ZBTB45: variants seen among roughly 807,000 people sequenced by gnomAD.
ZBTB45 encodes the protein zinc finger and BTB domain containing 45, also known as zinc finger and BTB domain-containing protein 45.
ZBTB45 carries 22 observed loss-of-function variants against 28.4 expected under a neutral mutation model. The ratio of observed to expected loss-of-function variants is 0.77; its 90% CI spans 0.55 to 1.10. ZBTB45 has a LOEUF of 1.10. Among genes scored for constraint, ZBTB45 ranks in the 50% least tolerant of loss-of-function variants. The pLI is 0.00. For missense variants in ZBTB45, 656 were observed against 750.2 expected, an observed-to-expected ratio of 0.87 and a Z score of 1.47; for synonymous variants, 361 against 332.3, an observed-to-expected ratio of 1.09 and a Z score of -0.94.
intron 1 of ZBTB45, among the ~76,000 whole-genome samples, chr19:58,533,099 G>T (rs879824001): frequency 2.6e-5 from 4 of 152,154 alleles, no homozygotes; most frequent in Admixed American, 2.6e-4. Context: ...GCCTCCCAAA[G>T]TGCTGGGATT....
At chr19:58,535,047 G>A (rs1010883476) in intron 1 of ZBTB45, among the ~76,000 whole-genome samples, 1 of 149,990 alleles carries the variant, frequency 6.7e-6, no homozygotes, top group South Asian at 2.1e-4. Context: ...GTAGAGAAGG[G>A]GTTTCATCAT....
At chr19:58,522,528 G>T (rs1426647862), upstream of ZBTB45, among the ~76,000 whole-genome samples, 1 of 151,932 alleles carries the variant, frequency 6.6e-6, no homozygotes, top group African/African-American at 2.4e-5. Flanking sequence ...CCAGCTACTT[G>T]GGAGGCGGAG....
intron 1 of ZBTB45, among the ~76,000 whole-genome samples, chr19:58,528,585 C>A (rs966012176): frequency 1.3e-5 from 2 of 151,802 alleles, no homozygotes; most frequent in Non-Finnish European, 2.9e-5. Context: ...CAGGGAGAAA[C>A]CCCATCTCTA....
chr19:58,538,220 TC>T (rs1048212998), intron 1 of ZBTB45, among the ~76,000 whole-genome samples: 2 of 151,398 alleles, frequency 1.3e-5, no homozygotes, highest in Non-Finnish European at 2.9e-5. Context: ...TCTTTTCTTT[TC>T]TTTTTTTTTT....
At chr19:58,536,714 G>A (rs2053662283) in intron 1 of ZBTB45, among the ~76,000 whole-genome samples, 1 of 152,264 alleles carries the variant, frequency 6.6e-6, no homozygotes, top group Admixed American at 6.5e-5. Flanking sequence ...AAGTGGCTTT[G>A]GGGGTGACAC....
chr19:58,528,825 C>T (rs1435771953), intron 1 of ZBTB45, among the ~76,000 whole-genome samples: 1 of 152,048 alleles, frequency 6.6e-6, no homozygotes, highest in East Asian at 1.9e-4. Context: ...ACTCGAGAGG[C>T]GGAGGTTGCA....
intron 1 of ZBTB45, among the ~76,000 whole-genome samples, chr19:58,535,161 G>A (rs947871367): frequency 2.6e-5 from 4 of 151,574 alleles, no homozygotes; most frequent in African/African-American, 9.7e-5. Context: ...GTGAGCCACC[G>A]TGCCCAGCCT....
intron 1 of ZBTB45, among the ~76,000 whole-genome samples, chr19:58,531,450 C>G (rs1275101811): frequency 6.6e-6 from 1 of 152,202 alleles, no homozygotes; most frequent in Non-Finnish European, 1.5e-5. Context: ...ATGTTGACAC[C>G]ACACCCTCCA....
In ZBTB45 at chr19:58,528,851, G is replaced by A. The variant is rs184200962; in HGVS notation, c.-1+9850C>T. Among the ~76,000 whole-genome samples, 471 of 152,058 alleles carry A rather than the reference G, an allele frequency of 3.1e-3. 1 individual carries two copies. Among genetic ancestry groups the A allele is most frequent in the African/African-American group, 0.011 (444 of 41,446 alleles). On this transcript the variant is annotated intron_variant, in intron 1 of 1. Transcript: ENST00000600130. ...GGAGGTTGCAGTGAGCTGAGATCGC[G>A]CCACTGCACTCCAGCCTGGATGACA...
chr19:58,537,933 G>A (rs1352096400), intron 1 of ZBTB45, among the ~76,000 whole-genome samples: 2 of 151,694 alleles, frequency 1.3e-5, no homozygotes, highest in Non-Finnish European at 2.9e-5. Flanking sequence ...TGCCTCCCAG[G>A]TTCAAGCGAT....
upstream of ZBTB45, chr19:58,520,363 A>G (rs1380078462): frequency 6.6e-6 from 1 of 152,064 alleles, no homozygotes; most frequent in East Asian, 1.9e-4. Context: ...GCCTCCCCTG[A>G]GCTAGACCCT....
At position 58,513,905 on chromosome 19, in the gene ZBTB45, TG is replaced by T; in HGVS notation, c.*148del. On this transcript the variant is annotated 3_prime_UTR_variant, in exon 3 of 3. Transcript: ENST00000594051. The stretch of plus-strand genomic sequence containing the variant: ...AGAGGAGTAAGGCGGACTTAGGCCC[TG>T]GTATGGAGAAAGGGTGAAGGGAGAG... The T allele has an allele frequency of 1.0e-6, 1 of 994,412 alleles. No homozygotes were observed. Among genetic ancestry groups the T allele is most frequent in the Non-Finnish European group, 1.3e-6 (1 of 743,350 alleles). 61.6% of individuals were successfully genotyped at this position (994,412 alleles called of 1,614,324 possible).
intron 1 of ZBTB45, among the ~76,000 whole-genome samples, chr19:58,532,369 AAGAG>A (rs763190277): frequency 6.6e-6 from 1 of 152,180 alleles, no homozygotes; most frequent in African/African-American, 2.4e-5. Context: ...CATGAATCGT[AAGAG>A]AGAGGCAGAG....
In ZBTB45 at chr19:58,517,563, C is replaced by T; in HGVS notation, c.111G>A (p.Val37=). 6.2e-7 allele frequency: 1 copy of T among 1,613,792 alleles called. No individual in the cohort carries two copies. The highest frequency in any genetic ancestry group is 8.5e-7 in the Non-Finnish European group (1 of 1,179,986). ...RLGGHFCDVT[V]RIREASLRAH... ...CACGCAGCGAAGCTTCACGAATGCGCACAGTCACGTCACAGAAGTGTCCCC... is the reference window on the plus strand; with the variant it reads ...CACGCAGCGAAGCTTCACGAATGCGTACAGTCACGTCACAGAAGTGTCCCC... The change falls in exon 2 of 3, where the codon GTG becomes GTA. Residue 37 remains valine, a synonymous_variant. Coordinates refer to ENST00000594051, the MANE Select transcript of ZBTB45 (RefSeq NM_001316979.2).
chr19:58,522,202 C>G (rs1284828430), upstream of ZBTB45, among the ~76,000 whole-genome samples: 1 of 151,528 alleles, frequency 6.6e-6, no homozygotes, highest in Non-Finnish European at 1.5e-5. Flanking sequence ...GCTCTTGTCC[C>G]CCAGGCTGGA....
At chr19:58,524,431 ATATATG>A (rs1568648952), upstream of ZBTB45, among the ~76,000 whole-genome samples, 2 of 95,054 alleles carry the variant, frequency 2.1e-5, no homozygotes, top group South Asian at 3.6e-4. Context: ...GTGTGTGTTC[ATATATG>A]TGTGTGTGTG....
upstream of ZBTB45, among the ~76,000 whole-genome samples, chr19:58,521,070 AAAAAAAAAAAAAG>A (rs2053573670): frequency 7.1e-6 from 1 of 141,250 alleles, no homozygotes; most frequent in African/African-American, 2.6e-5. Flanking sequence ...AAAAAAAAAA[AAAAAAAAAAAAAG>A]GCCGGGCGCG....
At position 58,517,609 on chromosome 19, in the gene ZBTB45, G is replaced by T. The variant is rs2053528891; in HGVS notation, c.65C>A (p.Thr22Asn). The T allele has an allele frequency of 6.2e-7, 1 of 1,613,858 alleles. No individual in the cohort carries two copies. Among genetic ancestry groups the T allele is most frequent in the South Asian group, 1.1e-5 (1 of 91,090 alleles). Reference sequence around the variant, plus strand: ...TCCCCCAAGCCTCTGCCCATTGAGGGTCTCAAGCAGAGAGCGTGAGAAGTT... The same window carrying T: ...TCCCCCAAGCCTCTGCCCATTGAGGTTCTCAAGCAGAGAGCGTGAGAAGTT... ...LQNFSRSLLETLNGQRLGGHF... is the reference protein window; with the variant it reads ...LQNFSRSLLENLNGQRLGGHF... Residue 22 changes from threonine to asparagine, a missense_variant, in exon 2 of 3, where the codon ACC (threonine) becomes AAC (asparagine). By Grantham distance (65) the Thr-to-Asn change is moderately conservative (BLOSUM62 0). Around this residue, in one of 3 missense-constraint regions of ZBTB45, gnomAD observed 105 missense variants for 152.4 expected, o/e 0.69. Coordinates refer to ENST00000594051, the MANE Select transcript of ZBTB45 (RefSeq NM_001316979.2).
chr19:58,532,262 T>A (rs1024747553), intron 1 of ZBTB45, among the ~76,000 whole-genome samples: 1 of 152,298 alleles, frequency 6.6e-6, no homozygotes, highest in Admixed American at 6.5e-5. Context: ...CTGGAAGTGT[T>A]ACCTTATTAG....
Sources: allele counts gnomAD v4.1 joint callset (sites outside exome capture counted in the v4.1 genomes callset), GRCh38; gene constraint gnomAD v4.1.1; regional missense constraint gnomAD v4.1.1; transcripts MANE v1.5; gene names NCBI Gene and HGNC (gene_info 2026-07-23, HGNC 2026-07-21).